Variants in MTMR9 observed in about 807,000 individuals in gnomAD.
The protein encoded by MTMR9 is myotubularin related protein 9.
MTMR9 carries 39 observed loss-of-function variants against 69.5 expected under a neutral mutation model. The ratio of observed to expected loss-of-function variants is 0.56; its 90% CI spans 0.43 to 0.73. The LOEUF (loss-of-function observed/expected upper bound fraction) is 0.73, where lower values mean the gene tolerates loss of function less well. Among genes scored for constraint, MTMR9 ranks in the 30% least tolerant of loss-of-function variants. The pLI is 0.00. For missense variants in MTMR9, 900 were observed against 671.2 expected (o/e 1.34, Z -3.77); for synonymous variants, 354 against 240.8 (o/e 1.47, Z -4.35).
At position 11,295,181 on chromosome 8, in the gene MTMR9, C is replaced by T; in HGVS notation, c.183-13C>T. 6.9e-7 allele frequency: 1 copy of T among 1,449,198 alleles called. No individual in the cohort carries two copies. Among genetic ancestry groups the T allele is most frequent in the Non-Finnish European group, 9.6e-7 (1 of 1,039,822 alleles). The allele number at this position is 1,449,198 out of a possible 1,614,324, so 89.8% of individuals were successfully genotyped here. On this transcript the variant is annotated splice_polypyrimidine_tract_variant and intron_variant, in intron 1 of 9. Coordinates refer to ENST00000221086, the MANE Select transcript of MTMR9 (RefSeq NM_015458.4). ...TATATGTGTTCCTAAACATGATTTGCAATTTCTTACAGATTTGTAGGATCA... is the reference window on the plus strand; with the variant it reads ...TATATGTGTTCCTAAACATGATTTGTAATTTCTTACAGATTTGTAGGATCA...
the MTMR9 span, among the ~76,000 whole-genome samples, chr8:11,335,149 T>G: frequency 6.6e-6 from 1 of 152,208 alleles, no homozygotes; most frequent in Non-Finnish European, 1.5e-5. Context: ...TCACAGATGA[T>G]ATGATTTTCT....
At chr8:11,331,790 G>T (rs779610655), downstream of MTMR9, 9 of 1,611,652 alleles carry the variant, frequency 5.6e-6, no homozygotes, top group East Asian at 1.6e-4. Flanking sequence ...TATCTGGCTT[G>T]GTGGGGCTGC....
intron 1 of MTMR9, among the ~76,000 whole-genome samples, chr8:11,291,429 G>A (rs1215989520): frequency 6.6e-6 from 1 of 152,112 alleles, no homozygotes; most frequent in Non-Finnish European, 1.5e-5. Flanking sequence ...TGATAGGGAT[G>A]TATACAGGGC....
intron 9 of MTMR9, among the ~76,000 whole-genome samples, chr8:11,321,891 C>T (rs1287618569): frequency 6.6e-6 from 1 of 152,070 alleles, no homozygotes; most frequent in Non-Finnish European, 1.5e-5. Flanking sequence ...AATCATAAAA[C>T]CTTTGTGAAC....
At position 11,316,675 on chromosome 8, in the gene MTMR9, TG is replaced by T; in HGVS notation, c.1118del (p.Gly373ValfsTer76). 1 of 1,597,554 alleles carries T rather than the reference TG, an allele frequency of 6.3e-7. No homozygotes were observed. On this transcript the variant is annotated frameshift_variant, in exon 8 of 10. Transcript: ENST00000221086. LOFTEE classifies it high-confidence loss of function. Reference sequence around the variant, plus strand: ...TCACGCCTCCATCTTCCCCCTAGGCTGGTCACCCATTCCAGCAGCGCTGTGC... The same window carrying T: ...TCACGCCTCCATCTTCCCCCTAGGCTGTCACCCATTCCAGCAGCGCTGTGC... Reference protein sequence around the residue: ...ALIEREWLQAGHPFQQRCAQS... With the variant: ...ALIEREWLQAXHPFQQRCAQS...
rs551879139 is a variant in MTMR9 at position 11,325,005 on chromosome 8, C to T, written c.*2217C>T. 6.6e-6 allele frequency: 1 copy of T among 152,368 alleles called. No individual in the cohort carries two copies. Among genetic ancestry groups the T allele is most frequent in the African/African-American group, 2.4e-5 (1 of 41,586 alleles). 9.4% of individuals were successfully genotyped at this position (152,368 alleles called of 1,614,324 possible). On this transcript the variant is annotated 3_prime_UTR_variant, in exon 10 of 10. Coordinates refer to ENST00000221086, the MANE Select transcript of MTMR9 (RefSeq NM_015458.4). The stretch of plus-strand genomic sequence containing the variant: ...AAGGTAGACCCATCTTCCTGATGCA[C>T]ATTTGCTGTGCGAGCCAGAGTACAG...
At position 11,306,874 on chromosome 8, in the gene MTMR9, TC is replaced by T. The variant is rs560343986; in HGVS notation, c.809+469del. 2.2e-4 allele frequency among the ~76,000 whole-genome samples: 33 copies of T among 152,302 alleles called. 1 individual carries two copies. The East Asian group carries it at 6.4e-3, about 29-fold the overall frequency. ...TCTGTGTCCCTCCTACCCCGACCCC[TC>T]CTGCTACTTTCTCTTCCTCTGGCAA... On this transcript the variant is annotated intron_variant, in intron 5 of 9. Transcript: ENST00000221086.
At chr8:11,317,562 A>C (rs527353865) in intron 8 of MTMR9, 5 of 151,836 alleles carry the variant, frequency 3.3e-5, no homozygotes, top group Admixed American at 2.0e-4. Flanking sequence ...CTCATCTGCC[A>C]CTCACCTCCT....
intron 9 of MTMR9, 39 bp downstream of exon 9, chr8:11,319,877 G>A: frequency 1.2e-6 from 2 of 1,607,400 alleles, no homozygotes; most frequent in Non-Finnish European, 1.7e-6. Flanking sequence ...TAACGGTCAG[G>A]TGTGCATGCG....
chr8:11,307,911 TGTTGA>T (rs1009937645), intron 5 of MTMR9, among the ~76,000 whole-genome samples: 2 of 152,222 alleles, frequency 1.3e-5, no homozygotes, highest in African/African-American at 2.4e-5. Flanking sequence ...GTTTTCTTGC[TGTTGA>T]GTTGAGTTTC....
downstream of MTMR9, among the ~76,000 whole-genome samples, chr8:11,332,712 C>T (rs186899191): frequency 6.6e-6 from 1 of 152,092 alleles, no homozygotes; most frequent in African/African-American, 2.4e-5. Context: ...AGCAATTCTC[C>T]TACATCAGCC....
rs1264063018 is a variant in MTMR9, at chr8:11,319,808, G to T, written c.1456G>T (p.Val486Phe). The T allele has an allele frequency of 6.2e-7, 1 of 1,614,176 alleles. No individual in the cohort carries two copies. Among genetic ancestry groups the T allele is most frequent in the Non-Finnish European group, 8.5e-7 (1 of 1,180,018 alleles). Residue 486 changes from valine to phenylalanine, a missense_variant, in exon 9 of 10, where the codon GTT (valine) becomes TTT (phenylalanine). Coordinates refer to ENST00000221086, the MANE Select transcript of MTMR9 (RefSeq NM_015458.4). ...CAACAACCTTGTCATCTGGCCTTCA[G>T]TTGCTCCGCAGAGTCTTCCACTGTG... is the stretch of plus-strand genomic sequence containing the variant. ...EANNLVIWPS[V>F]APQSLPLWEG...
intron 8 of MTMR9, chr8:11,319,424 C>G: frequency 6.9e-6 from 3 of 436,912 alleles, no homozygotes; most frequent in Non-Finnish European, 4.1e-6. Flanking sequence ...AACACCAAAC[C>G]TGATGTGACC....
At chr8:11,313,029 A>G (rs894292048) in intron 6 of MTMR9, among the ~76,000 whole-genome samples, 1 of 152,232 alleles carries the variant, frequency 6.6e-6, no homozygotes, top group African/African-American at 2.4e-5. Flanking sequence ...TGCAGGCTTC[A>G]TTGTTCCATT....
chr8:11,287,332 C>T (rs938750049), intron 1 of MTMR9, among the ~76,000 whole-genome samples: 3 of 152,112 alleles, frequency 2.0e-5, no homozygotes, highest in African/African-American at 7.2e-5. Flanking sequence ...TCATTTGTTT[C>T]CTCCTTTTTA....
rs1054685760 is a variant in MTMR9, at chr8:11,285,009, C to G, written c.121C>G (p.Arg41Gly). 6.2e-7 allele frequency: 1 copy of G among 1,613,482 alleles called. No individual in the cohort carries two copies. Among genetic ancestry groups the G allele is most frequent in the Non-Finnish European group, 8.5e-7 (1 of 1,179,810 alleles). The change falls in exon 1 of 10, where the codon CGG becomes GGG. Residue 41 changes from arginine to glycine, a missense_variant. Transcript: ENST00000221086. The part of the protein sequence containing the change: ...LTGHHLILSS[R>G]QDNTEELWLL... Reference sequence around the variant, plus strand: ...GGGCCACCACTTGATCCTGTCCTCCCGGCAGGACAATACGGAGGAGCTGTG... The same window carrying G: ...GGGCCACCACTTGATCCTGTCCTCCGGGCAGGACAATACGGAGGAGCTGTG...
chr8:11,288,338 T>A (rs1799264970), intron 1 of MTMR9, among the ~76,000 whole-genome samples: 1 of 139,818 alleles, frequency 7.2e-6, no homozygotes, highest in Non-Finnish European at 1.5e-5. Context: ...CATAAATATA[T>A]AATATATTTA....
intron 8 of MTMR9, 85 bp from the exon 9 acceptor site, chr8:11,319,602 A>G (rs192310824): frequency 2.9e-6 from 4 of 1,360,932 alleles, no homozygotes; most frequent in Non-Finnish European, 4.1e-6. Flanking sequence ...TTTCATACTG[A>G]GAAGAAATTG....
intron 3 of MTMR9, among the ~76,000 whole-genome samples, chr8:11,301,595 C>CA (rs889788030): frequency 2.0e-5 from 3 of 152,156 alleles, no homozygotes; most frequent in African/African-American, 7.2e-5. Context: ...TTCAGTTAGA[C>CA]AGAGATTTTT....
Sources: allele counts gnomAD v4.1 joint callset (sites outside exome capture counted in the v4.1 genomes callset), GRCh38; gene constraint gnomAD v4.1.1; transcripts MANE v1.5; gene names NCBI Gene and HGNC (gene_info 2026-07-23, HGNC 2026-07-21).